Variants in ADGRB3 observed in about 807,000 individuals in gnomAD.
ADGRB3 encodes brain-specific angiogenesis inhibitor 3.
ADGRB3 carries 37 observed loss-of-function variants against 193.4 expected under a neutral mutation model. The observed-to-expected ratio is 0.19, with a 90% CI of 0.15 to 0.25. ADGRB3 has a LOEUF of 0.25. Among genes scored for constraint, ADGRB3 ranks in the 10% least tolerant of loss-of-function variants. The pLI is 1.00. For missense variants in ADGRB3, 1,637 were observed against 1,852.9 expected, an observed-to-expected ratio of 0.88 and a Z score of 2.14; for synonymous variants, 690 against 644.2, an observed-to-expected ratio of 1.07 and a Z score of -1.08.
At chr6:69,379,020 T>C (rs1255923585) in intron 30 of ADGRB3, among the ~76,000 whole-genome samples, 1 of 152,036 alleles carries the variant, frequency 6.6e-6, no homozygotes, top group African/African-American at 2.4e-5. Flanking sequence ...GCATATTTCT[T>C]GTGCAGTTAG....
chr6:69,345,595 G>T (rs1268202848), intron 26 of ADGRB3, among the ~76,000 whole-genome samples: 1 of 152,058 alleles, frequency 6.6e-6, no homozygotes, highest in East Asian at 1.9e-4. Flanking sequence ...GGTACTGATG[G>T]AACGTAGCTC....
chr6:68,866,036 G>A (rs1189128841), intron 3 of ADGRB3, among the ~76,000 whole-genome samples: 2 of 152,136 alleles, frequency 1.3e-5, no homozygotes, highest in African/African-American at 4.8e-5. Flanking sequence ...AGAACAATGA[G>A]GGAGGGATCT....
chr6:68,983,753 A>T (rs1768994033), intron 10 of ADGRB3, among the ~76,000 whole-genome samples: 1 of 152,112 alleles, frequency 6.6e-6, no homozygotes, highest in Admixed American at 6.6e-5. Context: ...AAAAATAATT[A>T]CAAATTCTTA....
At position 68,639,006 on chromosome 6, in the gene ADGRB3, C is replaced by T; in HGVS notation, c.331C>T (p.Leu111Phe). 2 of 1,613,274 alleles carry T rather than the reference C, an allele frequency of 1.2e-6. No individual in the cohort carries two copies. Among genetic ancestry groups the T allele is most frequent in the Non-Finnish European group, 1.7e-6 (2 of 1,179,776 alleles). Residue 111 changes from leucine (L) to phenylalanine (F), a missense_variant, in exon 3 of 32, where the codon CTC becomes TTC. This residue lies in a region of ADGRB3 where 365 missense variants were observed against 409.8 expected (regional missense o/e 0.89). Coordinates refer to ENST00000370598, the MANE Select transcript of ADGRB3 (RefSeq NM_001704.3). ...AAGAAAGAATCATTCTATAATGCAA[C>T]TCTGCAATTCCAAGAATGCTTTCGT... ...LLRKNHSIMQ[L>F]CNSKNAFVFL... is the part of the protein sequence containing the mutation.
intron 13 of ADGRB3, among the ~76,000 whole-genome samples, chr6:69,031,063 T>TC (rs1770655150): frequency 4.3e-5 from 2 of 46,132 alleles, no homozygotes; most frequent in African/African-American, 1.4e-4. Flanking sequence ...TCTCTTCTCT[T>TC]CTCTTCTCTT....
At chr6:69,040,357 CTT>C (rs879270022) in intron 13 of ADGRB3, among the ~76,000 whole-genome samples, 4,753 of 63,092 alleles carry the variant, frequency 0.075, 156 homozygotes, top group South Asian at 0.15. Context: ...TTCTTTCTTT[CTT>C]TCTTTCTTTC....
intron 13 of ADGRB3, among the ~76,000 whole-genome samples, chr6:69,033,815 C>T (rs568339691): frequency 2.0e-5 from 3 of 151,874 alleles, no homozygotes; most frequent in Admixed American, 6.6e-5. Flanking sequence ...AATGAAGATA[C>T]GTTTTAATGA....
chr6:68,807,334 G>T (rs1767424269), intron 3 of ADGRB3, among the ~76,000 whole-genome samples: 2 of 150,894 alleles, frequency 1.3e-5, no homozygotes, highest in South Asian at 2.1e-4. Flanking sequence ...GCCCCGCGGG[G>T]TTCACGCCAT....
At chr6:68,814,532 T>G (rs1767587011) in intron 3 of ADGRB3, among the ~76,000 whole-genome samples, 1 of 152,202 alleles carries the variant, frequency 6.6e-6, no homozygotes, top group Non-Finnish European at 1.5e-5. Flanking sequence ...TCTTTTGCTG[T>G]GCAGAAGCTC....
intron 17 of ADGRB3, among the ~76,000 whole-genome samples, chr6:69,140,131 T>G (rs1774285736): frequency 6.6e-6 from 1 of 152,188 alleles, no homozygotes. Context: ...CTTGGAAAAC[T>G]TGGAAAAATT....
At chr6:68,715,319 C>G (rs1765472103) in intron 3 of ADGRB3, among the ~76,000 whole-genome samples, 1 of 151,472 alleles carries the variant, frequency 6.6e-6, no homozygotes. Context: ...TTCTGTCTGT[C>G]TCATTATAGG....
intron 17 of ADGRB3, among the ~76,000 whole-genome samples, chr6:69,186,112 A>G (rs1765061042): frequency 6.6e-6 from 1 of 151,866 alleles, no homozygotes; most frequent in South Asian, 2.1e-4. Context: ...CAGAGGGGTA[A>G]AAGAAACTGG....
intron 13 of ADGRB3, among the ~76,000 whole-genome samples, chr6:69,045,114 A>G (rs984815354): frequency 1.3e-5 from 2 of 152,188 alleles, no homozygotes; most frequent in Non-Finnish European, 2.9e-5. Flanking sequence ...TTCCCTAAAG[A>G]TGTTAACAGC....
intron 3 of ADGRB3, among the ~76,000 whole-genome samples, chr6:68,769,636 A>G (rs1046044150): frequency 1.3e-5 from 2 of 152,168 alleles, no homozygotes; most frequent in African/African-American, 4.8e-5. Context: ...GTGTATACCT[A>G]TGTAAGAAGT....
intron 28 of ADGRB3, among the ~76,000 whole-genome samples, chr6:69,358,266 G>A (rs1421122611): frequency 1.3e-5 from 2 of 151,850 alleles, no homozygotes; most frequent in African/African-American, 4.8e-5. Flanking sequence ...CCAGGCCTTT[G>A]GGGTCTGAAA....
intron 3 of ADGRB3, among the ~76,000 whole-genome samples, chr6:68,756,403 G>C (rs1004915501): frequency 6.6e-6 from 1 of 152,276 alleles, no homozygotes; most frequent in East Asian, 1.9e-4. Context: ...AGAGCACTTT[G>C]AATCCAAGGG....
At chr6:69,341,266 C>T (rs1458705877) in intron 26 of ADGRB3, among the ~76,000 whole-genome samples, 1 of 152,220 alleles carries the variant, frequency 6.6e-6, no homozygotes, top group Admixed American at 6.5e-5. Flanking sequence ...TCCACATCCT[C>T]TCCAGCATCT....
At chr6:69,088,833 C>G (rs964678985) in intron 17 of ADGRB3, among the ~76,000 whole-genome samples, 1 of 152,194 alleles carries the variant, frequency 6.6e-6, no homozygotes, top group African/African-American at 2.4e-5. Context: ...TTCAACAACA[C>G]CTACGCCACC....
At position 69,388,760 on chromosome 6, in the gene ADGRB3, C is replaced by T. The variant is rs1770129868; in HGVS notation, c.4438C>T (p.Pro1480Ser). Residue 1480 changes from proline to serine, a missense_variant, in exon 32 of 32, where the codon CCG (proline) becomes TCG (serine). Pro to Ser is a moderately conservative substitution (Grantham distance 74). Around this residue, in one of 7 missense-constraint regions of ADGRB3, gnomAD observed 368 missense variants for 367.4 expected, o/e 1.00. Coordinates refer to ENST00000370598, the MANE Select transcript of ADGRB3 (RefSeq NM_001704.3). ...WDTFKNPSEY[P>S]HYTTINVLDT... Reference sequence around the variant, plus strand: ...CACTTTCAAAAACCCCAGTGAATACCCGCATTACACCACAATCAATGTCTT... The same window carrying T: ...CACTTTCAAAAACCCCAGTGAATACTCGCATTACACCACAATCAATGTCTT... 6.2e-7 allele frequency: 1 copy of T among 1,613,304 alleles called. No individual in the cohort carries two copies. The highest frequency in any genetic ancestry group is 1.7e-5 in the Admixed American group (1 of 59,900).
Sources: allele counts gnomAD v4.1 joint callset (sites outside exome capture counted in the v4.1 genomes callset), GRCh38; gene constraint gnomAD v4.1.1; regional missense constraint gnomAD v4.1.1; transcripts MANE v1.5; gene names NCBI Gene and HGNC (gene_info 2026-07-23, HGNC 2026-07-21).